Variants in C9orf78 observed in about 807,000 individuals in gnomAD.
C9orf78 encodes chromosome 9 open reading frame 78.
In C9orf78, 19 loss-of-function variants were observed where a neutral mutation model predicts 37.4. The ratio of observed to expected loss-of-function variants is 0.51; its 90% CI spans 0.35 to 0.74. The LOEUF is 0.74. Among genes scored for constraint, C9orf78 ranks in the 30% least tolerant of loss-of-function variants. C9orf78 has a pLI of 0.01. For synonymous variants in C9orf78, 130 were observed against 128.0 expected (o/e 1.02, Z -0.10); for missense variants, 291 against 370.8 (o/e 0.78, Z 1.77).
Position 129,829,320 on chromosome 9 carries a change from C to G in C9orf78, c.680-17G>C, listed in dbSNP as rs1388504723. ...CATGATAAACTGGACCCAAAGAGACCAGGGGACACGTTAGAACATGAGGTT... is the reference window on the plus strand; with the variant it reads ...CATGATAAACTGGACCCAAAGAGACGAGGGGACACGTTAGAACATGAGGTT... On this transcript the variant is annotated splice_polypyrimidine_tract_variant and intron_variant, in intron 7 of 8. Transcript: ENST00000372447. 3 of 1,601,826 alleles carry G rather than the reference C, an allele frequency of 1.9e-6. No homozygotes were observed. Among genetic ancestry groups the G allele is most frequent in the South Asian group, 1.1e-5 (1 of 89,922 alleles).
Position 129,833,464 on chromosome 9 carries a change from C to T in C9orf78, c.249G>A (p.Lys83=). The T allele has an allele frequency of 6.3e-7, 1 of 1,599,810 alleles. No individual in the cohort carries two copies. The highest frequency in any genetic ancestry group is 2.2e-5 in the East Asian group (1 of 44,810). The change falls in exon 4 of 9, where the codon AAG becomes AAA. Residue 83 remains lysine, a synonymous_variant. Transcript: ENST00000372447. Reference sequence around the variant, plus strand: ...GAACTTACTTATCTTTGCCCCTTTCCTTCAGTTTCTTCATATCCACCATAC... The same window carrying T: ...GAACTTACTTATCTTTGCCCCTTTCTTTCAGTTTCTTCATATCCACCATAC... ...TGGMVDMKKL[K]ERGKDKISEE...
chr9:129,835,238 T>C lies in C9orf78; in HGVS notation c.-17A>G, dbSNP rs760074489. 20 of 1,590,558 alleles carry C rather than the reference T, an allele frequency of 1.3e-5. No homozygotes were observed. In the East Asian group the frequency reaches 3.9e-4, roughly 31 times the overall value. Reference sequence around the variant, plus strand: ...GACCGGCATGGTGACAACGGCCGAGTTGTACAGCCGCCGCGCCTCTGCGCA... The same window carrying C: ...GACCGGCATGGTGACAACGGCCGAGCTGTACAGCCGCCGCGCCTCTGCGCA... On this transcript the variant is annotated 5_prime_UTR_variant, in exon 1 of 9. Transcript: ENST00000372447.
rs56021512 is a variant in C9orf78, at chr9:129,827,783, C to CTTT, written c.*375_*377dup. The CTTT allele has an allele frequency of 9.4e-4, 106 of 112,534 alleles. No individual in the cohort carries two copies. Among genetic ancestry groups the CTTT allele is most frequent in the South Asian group, 1.6e-3 (6 of 3,720 alleles). 7.0% of individuals were successfully genotyped at this position (112,534 alleles called of 1,614,324 possible). ...TGTCCTGGAAGCCATTTTTCTTTTT[C>CTTT]TTTTTTTTTTTTTTTTTTTTTTTTG... is the stretch of plus-strand genomic sequence containing the variant. On this transcript the variant is annotated 3_prime_UTR_variant, in exon 9 of 9. Transcript: ENST00000372447.
At chr9:129,833,921 AG>A in intron 2 of C9orf78, 1 of 559,200 alleles carries the variant, frequency 1.8e-6, no homozygotes, top group Non-Finnish European at 3.2e-6. Flanking sequence ...CTGGTGGTGA[AG>A]TGGTACACTT....
At chr9:129,828,823 T>TA in intron 8 of C9orf78, 2 of 353,788 alleles carry the variant, frequency 5.7e-6, no homozygotes, top group South Asian at 4.7e-5. Context: ...CTTGAACTCT[T>TA]AGTCTCAAGC....
intron 4 of C9orf78, among the ~76,000 whole-genome samples, chr9:129,832,583 T>C (rs2031528781): frequency 1.3e-5 from 2 of 151,776 alleles, no homozygotes; most frequent in African/African-American, 4.8e-5. Flanking sequence ...GGATTACGGG[T>C]GCCCACCACA....
rs762567956 is a variant in C9orf78 at position 129,833,739 on chromosome 9, G to GGA, written c.144-32_144-31dup. 14 of 1,560,504 alleles carry GGA rather than the reference G, an allele frequency of 9.0e-6. No homozygotes were observed. In the Admixed American group the frequency reaches 1.9e-4, roughly 21 times the overall value. The stretch of plus-strand genomic sequence containing the variant: ...GCAAAACCAAAAAAAAAAGAGAGGG[G>GGA]GAGAGAGAGAAATGGCATAATTCAG... On this transcript the variant is annotated intron_variant, in intron 2 of 8. Transcript: ENST00000372447.
intron 1 of C9orf78, 46 bp from the exon 2 acceptor site, chr9:129,834,812 C>G: frequency 6.9e-7 from 1 of 1,441,478 alleles, no homozygotes; most frequent in Non-Finnish European, 9.7e-7. Context: ...GAGTGATTCC[C>G]CGCGGAATCC....
At chr9:129,828,418 T>TTTTTTC (rs2031401663) in intron 8 of C9orf78, 166 bp from the exon 9 acceptor site, 1 of 509,286 alleles carries the variant, frequency 2.0e-6, no homozygotes, top group Non-Finnish European at 3.6e-6. Flanking sequence ...TGTCTTTTTT[T>TTTTTTC]TTTTCTTTTC....
In C9orf78 at chr9:129,827,783, C is replaced by CTTTTTT. The variant is rs56021512; in HGVS notation, c.*372_*377dup. On this transcript the variant is annotated 3_prime_UTR_variant, in exon 9 of 9. Transcript: ENST00000372447. Reference sequence around the variant, plus strand: ...TGTCCTGGAAGCCATTTTTCTTTTTCTTTTTTTTTTTTTTTTTTTTTTTTG... The same window carrying CTTTTTT: ...TGTCCTGGAAGCCATTTTTCTTTTTCTTTTTTTTTTTTTTTTTTTTTTTTTTTTTTG... The CTTTTTT allele has an allele frequency of 0.01, 1,124 of 111,802 alleles. 2 individuals carry two copies. The highest frequency in any genetic ancestry group is 0.014 in the Non-Finnish European group (745 of 53,282). The allele number at this position is 111,802 out of a possible 1,614,324, so 6.9% of individuals were successfully genotyped here.
At position 129,833,430 on chromosome 9, in the gene C9orf78, G is replaced by T; in HGVS notation, c.266+17C>A. Reference sequence around the variant, plus strand: ...CCGCTAAAGGTGAATTTGCATCTAAGCTTGTCCTGAACTTACTTATCTTTG... The same window carrying T: ...CCGCTAAAGGTGAATTTGCATCTAATCTTGTCCTGAACTTACTTATCTTTG... On this transcript the variant is annotated intron_variant, in intron 4 of 8. Transcript: ENST00000372447. The T allele has an allele frequency of 6.6e-7, 1 of 1,516,114 alleles. No individual in the cohort carries two copies. The highest frequency in any genetic ancestry group is 9.2e-7 in the Non-Finnish European group (1 of 1,090,936). 93.9% of individuals were successfully genotyped at this position (1,516,114 alleles called of 1,614,324 possible). A position where few individuals can be genotyped will look rare whatever the true frequency, so the allele number is the denominator to read the frequency against.
In C9orf78 at chr9:129,831,413, G is replaced by C. The variant is rs916879409; in HGVS notation, c.345-345C>G. ...TATTACTAGTCATGAAACCACCTTT[G>C]AAAACAAGTTTTTATTTTTTATATT... is the stretch of plus-strand genomic sequence containing the variant. On this transcript the variant is annotated intron_variant, in intron 5 of 8. Coordinates refer to ENST00000372447, the MANE Select transcript of C9orf78 (RefSeq NM_016520.3). 2.7e-5 allele frequency: 8 copies of C among 291,214 alleles called. No homozygotes were observed. In the Admixed American group the frequency reaches 3.8e-4, roughly 14 times the overall value. The allele number at this position is 291,214 out of a possible 1,614,324, so 18.0% of individuals were successfully genotyped here.
At chr9:129,828,401 A>C in intron 8 of C9orf78, 149 bp from the exon 9 acceptor site, 1 of 544,424 alleles carries the variant, frequency 1.8e-6, no homozygotes, top group Non-Finnish European at 3.3e-6. Context: ...CTCAGTAGAT[A>C]CGTATTTGTC....
Position 129,833,469 on chromosome 9 carries a change from G to A in C9orf78, c.244C>T (p.Leu82=), listed in dbSNP as rs767177165. 1.2e-6 allele frequency: 2 copies of A among 1,603,922 alleles called. No individual in the cohort carries two copies. Among genetic ancestry groups the A allele is most frequent in the Admixed American group, 1.7e-5 (1 of 59,998 alleles). ...KTGGMVDMKK[L]KERGKDKISE... ...TACTTATCTTTGCCCCTTTCCTTCA[G>A]TTTCTTCATATCCACCATACCACCT... The change falls in exon 4 of 9, where the codon CTG becomes TTG. Residue 82 remains leucine (L), a synonymous_variant. Coordinates refer to ENST00000372447, the MANE Select transcript of C9orf78 (RefSeq NM_016520.3).
At chr9:129,835,091 A>G in intron 1 of C9orf78, 48 bp downstream of exon 1, 2 of 1,430,510 alleles carry the variant, frequency 1.4e-6, no homozygotes, top group Non-Finnish European at 2.0e-6. Flanking sequence ...GAGTCCCCCA[A>G]ACAAGTCTAT....
chr9:129,829,253 T>C lies in C9orf78; in HGVS notation c.730A>G (p.Lys244Glu). The change falls in exon 8 of 9, where the codon AAG becomes GAG. Residue 244 changes from lysine to glutamate, a missense_variant. Transcript: ENST00000372447. The stretch of plus-strand genomic sequence containing the variant: ...TCACCTACTCTCAAGGGCCGGGCCT[T>C]GGGCTCTTCTTTGTTTCTCCGTATG... Reference protein sequence around the residue: ...APIRRNKEEPKARPLRVGDTE... With the variant: ...APIRRNKEEPEARPLRVGDTE... 1 of 1,612,864 alleles carries C rather than the reference T, an allele frequency of 6.2e-7. No homozygotes were observed. Among genetic ancestry groups the C allele is most frequent in the Non-Finnish European group, 8.5e-7 (1 of 1,179,590 alleles).
intron 7 of C9orf78, 36 bp from the exon 8 acceptor site, chr9:129,829,339 T>A: frequency 1.2e-6 from 2 of 1,602,676 alleles, no homozygotes; most frequent in Non-Finnish European, 1.7e-6. Context: ...CGTTAGAACA[T>A]GAGGTTCCTA....
At chr9:129,830,463 CTGGGATTA>C (rs2031463903) in intron 6 of C9orf78, 1 of 194,154 alleles carries the variant, frequency 5.2e-6, no homozygotes, top group Non-Finnish European at 1.1e-5. Context: ...CTCCCAAGTA[CTGGGATTA>C]TAGGCTTATA....
At chr9:129,832,924 G>C (rs1001088343) in intron 4 of C9orf78, among the ~76,000 whole-genome samples, 4 of 151,206 alleles carry the variant, frequency 2.6e-5, no homozygotes, top group African/African-American at 9.7e-5. Flanking sequence ...TGAATAGCTG[G>C]GACTACAGGC....
Sources: allele counts gnomAD v4.1 joint callset (sites outside exome capture counted in the v4.1 genomes callset), GRCh38; gene constraint gnomAD v4.1.1; transcripts MANE v1.5; gene names NCBI Gene and HGNC (gene_info 2026-07-23, HGNC 2026-07-21).